The following SLC9A9 variants were observed in gnomAD, a reference collection of about 807,000 sequenced individuals.
SLC9A9 encodes solute carrier family 9 member A9, also known as sodium/hydrogen exchanger 9.
SLC9A9 carries 62 observed loss-of-function variants against 77.8 expected under a neutral mutation model. The observed-to-expected ratio is 0.80, with a 90% CI of 0.65 to 0.98. SLC9A9 has a LOEUF of 0.98. Ranked by LOEUF, SLC9A9 falls within the 50% of genes least tolerant of loss-of-function variation. The pLI, the probability that SLC9A9 is intolerant of heterozygous loss-of-function variation, is 0.00. For synonymous variants in SLC9A9, 320 were observed against 283.5 expected (o/e 1.13, Z -1.29); for missense variants, 775 against 774.9 (o/e 1.00, Z 0.00).
chr3:143,462,213 T>A (rs999511908), intron 12 of SLC9A9, among the ~76,000 whole-genome samples: 5 of 152,062 alleles, frequency 3.3e-5, no homozygotes, highest in African/African-American at 1.2e-4. Flanking sequence ...CTAAAAATAA[T>A]TTTAAAAAGA....
At chr3:143,299,287 C>T (rs1051984041) in intron 14 of SLC9A9, among the ~76,000 whole-genome samples, 1 of 152,130 alleles carries the variant, frequency 6.6e-6, no homozygotes, top group African/African-American at 2.4e-5. Flanking sequence ...CAAAGCTAAG[C>T]CCCTTAAGAA....
At chr3:143,463,580 A>C (rs550674763) in intron 12 of SLC9A9, among the ~76,000 whole-genome samples, 1 of 152,284 alleles carries the variant, frequency 6.6e-6, no homozygotes, top group South Asian at 2.1e-4. Flanking sequence ...CGCCAGTATT[A>C]ATGTATTCCA....
At chr3:143,693,356 T>C in intron 4 of SLC9A9, 49 bp from the exon 5 acceptor site, 1 of 1,414,594 alleles carries the variant, frequency 7.1e-7, no homozygotes, top group South Asian at 1.1e-5. Flanking sequence ...GAACCCTGTG[T>C]AAACCCATGC....
At chr3:143,465,594 AT>A (rs1382951103) in intron 12 of SLC9A9, among the ~76,000 whole-genome samples, 1 of 152,198 alleles carries the variant, frequency 6.6e-6, no homozygotes, top group Non-Finnish European at 1.5e-5. Context: ...CAGTACTTGC[AT>A]TTTGTGGGGA....
In SLC9A9 at chr3:143,743,296, CAGAT is replaced by C. The variant is rs148201446; in HGVS notation, c.534-49993_534-49990del. 6.2e-3 allele frequency among the ~76,000 whole-genome samples: 913 copies of C among 147,470 alleles called. 9 individuals are homozygous for C. The highest frequency in any genetic ancestry group is 0.02 in the African/African-American group (788 of 38,936). On this transcript the variant is annotated intron_variant, in intron 4 of 15. Coordinates refer to ENST00000316549, the MANE Select transcript of SLC9A9 (RefSeq NM_173653.4). ...ATAGATAGATAGATAGATAGACAGA[CAGAT>C]AGATAGATGATAGATAGATGAGAGG...
intron 14 of SLC9A9, among the ~76,000 whole-genome samples, chr3:143,304,206 TCTC>T (rs1038508242): frequency 6.6e-6 from 1 of 152,176 alleles, no homozygotes; most frequent in African/African-American, 2.4e-5. Flanking sequence ...TTTCAGTATT[TCTC>T]CTTTTTCTGC....
chr3:143,614,132 T>C (rs183614029), intron 6 of SLC9A9, among the ~76,000 whole-genome samples: 1 of 152,308 alleles, frequency 6.6e-6, no homozygotes, highest in East Asian at 1.9e-4. Flanking sequence ...TAGTCCTTCC[T>C]TAGTTTCCTC....
At chr3:143,598,656 AGTACTTGTTTTTCTGAAGTCCC>A (rs2037799226) in intron 6 of SLC9A9, among the ~76,000 whole-genome samples, 1 of 152,254 alleles carries the variant, frequency 6.6e-6, no homozygotes, top group Non-Finnish European at 1.5e-5. Context: ...GATGGGGCTC[AGTACTTGTTTTTCTGAAGTCCC>A]GTGGCCTCCT....
intron 4 of SLC9A9, among the ~76,000 whole-genome samples, chr3:143,704,402 A>G (rs1476012551): frequency 6.6e-6 from 1 of 152,224 alleles, no homozygotes; most frequent in African/African-American, 2.4e-5. Flanking sequence ...ATCCCAGGGA[A>G]GCAAGGATGT....
chr3:143,348,425 G>T lies in SLC9A9; in HGVS notation c.1604+15059C>A, dbSNP rs572832222. On this transcript the variant is annotated intron_variant, in intron 14 of 15. Transcript: ENST00000316549. ...AATTATTTACTTCCTGGGAGTCTAA[G>T]AAAGCACCTTTATTTACTATATGCC... 5.9e-5 allele frequency among the ~76,000 whole-genome samples: 9 copies of T among 152,286 alleles called. No individual in the cohort carries two copies. In the East Asian group the frequency reaches 1.7e-3, roughly 29 times the overall value.
chr3:143,652,778 T>TACACACACACACACACACAC (rs369670861), intron 5 of SLC9A9, among the ~76,000 whole-genome samples: 10 of 82,378 alleles, frequency 1.2e-4, no homozygotes, highest in East Asian at 4.0e-4. Context: ...ATTCCTTAAA[T>TACACACACACACACACACAC]ACACACACAC....
chr3:143,450,058 TATAATATGTATA>T (rs1289926106), intron 12 of SLC9A9, among the ~76,000 whole-genome samples: 1 of 37,612 alleles, frequency 2.7e-5, no homozygotes, highest in Non-Finnish European at 4.5e-5. Flanking sequence ...TACACACATA[TATAATATGTATA>T]TATAATATAA....
intron 8 of SLC9A9, among the ~76,000 whole-genome samples, chr3:143,570,538 T>A (rs2037240430): frequency 6.6e-6 from 1 of 152,202 alleles, no homozygotes; most frequent in Non-Finnish European, 1.5e-5. Context: ...GCTATACAGA[T>A]TATCATTGCA....
chr3:143,313,865 G>A (rs893166906), intron 14 of SLC9A9, among the ~76,000 whole-genome samples: 8 of 152,200 alleles, frequency 5.3e-5, no homozygotes, highest in Non-Finnish European at 1.0e-4. Context: ...GGAGGCTGAC[G>A]GGGAGTATAT....
intron 12 of SLC9A9, among the ~76,000 whole-genome samples, chr3:143,462,405 T>C (rs2035208765): frequency 6.6e-6 from 1 of 152,148 alleles, no homozygotes; most frequent in South Asian, 2.1e-4. Context: ...GATTGCACTA[T>C]CTAAAAGTTA....
At chr3:143,593,201 G>A (rs2037685049) in intron 6 of SLC9A9, among the ~76,000 whole-genome samples, 1 of 152,202 alleles carries the variant, frequency 6.6e-6, no homozygotes, top group African/African-American at 2.4e-5. Context: ...GGTGTCCAAA[G>A]GTAGGGCTCC....
chr3:143,287,892 C>T (rs918248447), intron 14 of SLC9A9, among the ~76,000 whole-genome samples: 3 of 152,170 alleles, frequency 2.0e-5, no homozygotes, highest in East Asian at 1.9e-4. Context: ...CAAAATTACA[C>T]CAACTGCTTA....
intron 14 of SLC9A9, among the ~76,000 whole-genome samples, chr3:143,310,711 C>T (rs1041321730): frequency 5.1e-4 from 77 of 152,034 alleles, no homozygotes; most frequent in Non-Finnish European, 2.4e-4. Flanking sequence ...AAGAAAATAT[C>T]CTGTGTGTGC....
At chr3:143,453,404 C>A (rs1273882608) in intron 12 of SLC9A9, among the ~76,000 whole-genome samples, 1 of 151,886 alleles carries the variant, frequency 6.6e-6, no homozygotes, top group African/African-American at 2.4e-5. Context: ...GCTCCCTCCC[C>A]ACAAAGGGAA....
Sources: gnomAD v4.1 joint callset for allele counts (sites outside exome capture counted in the v4.1 genomes callset) on GRCh38, gnomAD v4.1.1 for gene constraint, MANE v1.5 for transcripts, NCBI Gene and HGNC (gene_info 2026-07-23, HGNC 2026-07-21) for gene names.